The following VGLL4 variants were observed in gnomAD, a reference collection of about 807,000 sequenced individuals.
VGLL4 encodes the protein vestigial like family member 4.
VGLL4 carries 7 observed loss-of-function variants against 21.0 expected under a neutral mutation model. That is an observed-to-expected ratio of 0.33 (90% CI 0.19 to 0.63). VGLL4 has a LOEUF of 0.63. Among genes scored for constraint, VGLL4 ranks in the 20% least tolerant of loss-of-function variants. The pLI, the probability that VGLL4 is intolerant of heterozygous loss-of-function variation, is 0.78. For synonymous variants in VGLL4, 222 were observed against 173.2 expected (o/e 1.28, Z -2.21); for missense variants, 394 against 425.7 (o/e 0.93, Z 0.66).
Position 11,564,926 on chromosome 3 carries a change from G to A in VGLL4, c.366C>T (p.His122=), listed in dbSNP as rs145939148. 66 of 1,592,192 alleles carry A rather than the reference G, an allele frequency of 4.1e-5. No homozygotes were observed. Among genetic ancestry groups the A allele is most frequent in the Admixed American group, 2.5e-4 (14 of 56,974 alleles). ...ERAVAPTMSL[H]GSHLYTSLPS... ...GGAGGGAGGTGTACAGGTGGCTGCC[G>A]TGCAGGCTCATGGTGGGGGCCACAG... is the stretch of plus-strand genomic sequence containing the variant. Residue 122 remains histidine, a synonymous_variant, in exon 3 of 5, where the codon CAC becomes CAT. Transcript: ENST00000430365.
At chr3:11,698,414 C>T (rs1410175289) in intron 2 of VGLL4, among the ~76,000 whole-genome samples, 6 of 152,170 alleles carry the variant, frequency 3.9e-5, no homozygotes, top group Admixed American at 3.9e-4. Context: ...GAGGCTAAGG[C>T]ACAAGAATCA....
Position 11,718,489 on chromosome 3 carries a change from C to A in VGLL4, c.-14+1905G>T, listed in dbSNP as rs144133110. Among the ~76,000 whole-genome samples, 514 of 152,218 alleles carry A rather than the reference C, an allele frequency of 3.4e-3. 1 individual carries two copies. Among genetic ancestry groups the A allele is most frequent in the African/African-American group, 0.011 (452 of 41,532 alleles). On this transcript the variant is annotated intron_variant, in intron 1 of 5. Transcript: ENST00000273038. ...TCATGCGCAGACTCTTCATTAGATG[C>A]AAGCAGGAAACAATGAACAGTACAA...
intron 2 of VGLL4, among the ~76,000 whole-genome samples, chr3:11,600,571 A>G (rs1237465851): frequency 6.6e-6 from 1 of 152,168 alleles, no homozygotes; most frequent in Non-Finnish European, 1.5e-5. Context: ...TCCAGACTGC[A>G]GGCTCAGCCT....
upstream of VGLL4, chr3:11,643,940 G>A: frequency 1.0e-6 from 1 of 993,476 alleles, no homozygotes; most frequent in African/African-American, 1.7e-5. Flanking sequence ...CTATGCCGCC[G>A]CTTCCTCTTC....
intron 2 of VGLL4, chr3:11,569,039 T>G: frequency 1.4e-6 from 1 of 693,578 alleles, no homozygotes; most frequent in Non-Finnish European, 1.8e-6. Flanking sequence ...ACACGCTCTC[T>G]AAGCTAAGAA....
At chr3:11,644,540 C>G (rs1371564720), upstream of VGLL4, among the ~76,000 whole-genome samples, 2 of 151,946 alleles carry the variant, frequency 1.3e-5, no homozygotes, top group African/African-American at 4.8e-5. Context: ...TGTTTTTTCC[C>G]ACCTAATGTT....
chr3:11,597,462 G>T (rs1014240300), intron 2 of VGLL4, among the ~76,000 whole-genome samples: 1 of 152,108 alleles, frequency 6.6e-6, no homozygotes, highest in African/African-American at 2.4e-5. Context: ...ATGGATAAAT[G>T]CAGAAATTGA....
At chr3:11,704,147 G>A (rs920972197) in intron 1 of VGLL4, among the ~76,000 whole-genome samples, 6 of 151,786 alleles carry the variant, frequency 4.0e-5, no homozygotes, top group East Asian at 1.9e-4. Context: ...TTGGGAGGCC[G>A]AGGCGGGCAG....
chr3:11,721,803 G>C (rs1295025311), upstream of VGLL4: 1 of 152,198 alleles, frequency 6.6e-6, no homozygotes, highest in Admixed American at 6.5e-5. Flanking sequence ...TCAAACCTCA[G>C]TTTTCTCATC....
chr3:11,623,560 AG>A (rs1240201739), intron 1 of VGLL4, among the ~76,000 whole-genome samples: 2 of 151,968 alleles, frequency 1.3e-5, no homozygotes, highest in Admixed American at 1.3e-4. Context: ...TCTTTCTGTC[AG>A]GGTTTTCTGT....
intron 2 of VGLL4, among the ~76,000 whole-genome samples, chr3:11,655,387 C>A (rs2075942954): frequency 6.6e-6 from 1 of 152,144 alleles, no homozygotes; most frequent in Admixed American, 6.5e-5. Flanking sequence ...GTGGGCAGGA[C>A]TAGGGGGCGA....
At chr3:11,650,828 C>CTAAA (rs1158281009) in intron 2 of VGLL4, among the ~76,000 whole-genome samples, 1 of 151,922 alleles carries the variant, frequency 6.6e-6, no homozygotes, top group Admixed American at 6.6e-5. Flanking sequence ...ATTCCTTGAG[C>CTAAA]TAAAGCATCA....
intron 2 of VGLL4, among the ~76,000 whole-genome samples, chr3:11,674,062 C>G (rs555922491): frequency 1.3e-5 from 2 of 151,302 alleles, no homozygotes; most frequent in African/African-American, 4.9e-5. Flanking sequence ...TTCACATTTC[C>G]CATTGGTAAC....
chr3:11,582,484 T>A, intron 2 of VGLL4: 2 of 1,008,970 alleles, frequency 2.0e-6, no homozygotes, highest in Non-Finnish European at 2.8e-6. Flanking sequence ...AAAAGTTTCC[T>A]ATGGGTCCTG....
chr3:11,702,455 C>CAAAAAAAAA (rs56189603), intron 2 of VGLL4, among the ~76,000 whole-genome samples: 239 of 95,816 alleles, frequency 2.5e-3, no homozygotes, highest in Non-Finnish European at 3.6e-3. Context: ...ACTAAAAATA[C>CAAAAAAAAA]AAAAAAAAAA....
chr3:11,654,173 G>A (rs2075922218), intron 2 of VGLL4, among the ~76,000 whole-genome samples: 1 of 151,938 alleles, frequency 6.6e-6, no homozygotes, highest in Non-Finnish European at 1.5e-5. Context: ...AATCATTATT[G>A]GGCATTTTCT....
At chr3:11,577,706 GCAC>G (rs1361384181) in intron 2 of VGLL4, among the ~76,000 whole-genome samples, 2 of 152,206 alleles carry the variant, frequency 1.3e-5, no homozygotes, top group East Asian at 3.8e-4. Flanking sequence ...CCCTCAAGGA[GCAC>G]CACACAGCTG....
At chr3:11,717,691 G>C (rs2076938723) in intron 1 of VGLL4, among the ~76,000 whole-genome samples, 1 of 152,084 alleles carries the variant, frequency 6.6e-6, no homozygotes, top group Admixed American at 6.6e-5. Flanking sequence ...TCTGTAAGAA[G>C]TGTTAAAATC....
At chr3:11,705,349 C>T (rs1430701499) in intron 1 of VGLL4, among the ~76,000 whole-genome samples, 2 of 152,160 alleles carry the variant, frequency 1.3e-5, no homozygotes, top group Non-Finnish European at 2.9e-5. Flanking sequence ...AACGCAGAGG[C>T]GGAGCTCACT....
Sources: allele counts gnomAD v4.1 joint callset (sites outside exome capture counted in the v4.1 genomes callset), GRCh38; gene constraint gnomAD v4.1.1; transcripts MANE v1.5; gene names NCBI Gene and HGNC (gene_info 2026-07-23, HGNC 2026-07-21).